Variants in PHF20 observed in about 807,000 individuals in gnomAD.
PHF20 encodes the protein glioma-expressed antigen 2.
Under a neutral mutation model 113.5 loss-of-function variants are expected in PHF20, and 23 were observed. The observed-to-expected ratio is 0.20, with a 90% confidence interval of 0.15 to 0.29. The LOEUF (loss-of-function observed/expected upper bound fraction) is 0.29, where lower values mean the gene tolerates loss of function less well. Ranked by LOEUF, PHF20 falls within the 10% of genes least tolerant of loss-of-function variation. The pLI is 1.00. For synonymous variants in PHF20, 434 were observed against 457.3 expected (o/e 0.95, Z 0.65); for missense variants, 943 against 1,219.6 (o/e 0.77, Z 3.38).
intron 8 of PHF20, among the ~76,000 whole-genome samples, chr20:35,871,400 T>C (rs1438205046): frequency 6.6e-6 from 1 of 152,196 alleles, no homozygotes; most frequent in Non-Finnish European, 1.5e-5. Context: ...CCTGCTTCTC[T>C]CTCTCTGCTG....
chr20:35,845,101 T>G (rs921275949), intron 3 of PHF20, among the ~76,000 whole-genome samples: 1 of 152,122 alleles, frequency 6.6e-6, no homozygotes, highest in African/African-American at 2.4e-5. Context: ...ATAGTCCTAT[T>G]TTTGTTTGGT....
chr20:35,782,262 G>GTTTTTTTTTTTT (rs11480471), intron 1 of PHF20: 4 of 143,482 alleles, frequency 2.8e-5, no homozygotes, highest in Non-Finnish European at 4.5e-5. Context: ...TTCTTGTTTT[G>GTTTTTTTTTTTT]TTTTTTTTTT....
At chr20:35,851,516 G>A (rs1249776613) in intron 4 of PHF20, among the ~76,000 whole-genome samples, 2 of 152,106 alleles carry the variant, frequency 1.3e-5, no homozygotes, top group African/African-American at 2.4e-5. Context: ...AGGCCCACAC[G>A]TGCAGGTGCT....
At chr20:35,866,052 A>G (rs759500661) in intron 6 of PHF20, among the ~76,000 whole-genome samples, 1 of 151,956 alleles carries the variant, frequency 6.6e-6, no homozygotes, top group Non-Finnish European at 1.5e-5. Context: ...TCTACTAACA[A>G]CACAAAAATT....
intron 9 of PHF20, among the ~76,000 whole-genome samples, chr20:35,889,734 A>T (rs57330165): frequency 0.06 from 8,756 of 145,792 alleles, 394 homozygotes; most frequent in African/African-American, 0.14. Flanking sequence ...TAATTATTTT[A>T]AAATTATTTT....
At chr20:35,794,073 G>C (rs1246715118) in intron 1 of PHF20, among the ~76,000 whole-genome samples, 3 of 150,514 alleles carry the variant, frequency 2.0e-5, no homozygotes, top group African/African-American at 4.9e-5. Context: ...GGCTGAGGTG[G>C]GTGGATCGCC....
At chr20:35,883,019 C>G (rs1410714537) in intron 9 of PHF20, among the ~76,000 whole-genome samples, 1 of 146,702 alleles carries the variant, frequency 6.8e-6, no homozygotes, top group African/African-American at 2.5e-5. Flanking sequence ...CAGAACGACA[C>G]TCTGTCTCAA....
At chr20:35,789,837 C>T (rs1318856426) in intron 1 of PHF20, among the ~76,000 whole-genome samples, 6 of 116,048 alleles carry the variant, frequency 5.2e-5, no homozygotes, top group Non-Finnish European at 8.7e-5. Flanking sequence ...TGAGCCATGG[C>T]GCCCAGCCCC....
At chr20:35,789,278 A>G (rs367798883) in intron 1 of PHF20, among the ~76,000 whole-genome samples, 7 of 152,000 alleles carry the variant, frequency 4.6e-5, no homozygotes, top group African/African-American at 1.7e-4. Context: ...TAAAAATACA[A>G]AAATTAGCCT....
intron 10 of PHF20, among the ~76,000 whole-genome samples, chr20:35,908,901 G>A (rs1411465038): frequency 1.3e-5 from 2 of 152,158 alleles, no homozygotes; most frequent in South Asian, 2.1e-4. Context: ...TAACCTTGCT[G>A]TAAGTGCTGT....
chr20:35,822,213 G>A (rs1034576029), intron 2 of PHF20, among the ~76,000 whole-genome samples: 7 of 152,088 alleles, frequency 4.6e-5, no homozygotes, highest in Admixed American at 2.6e-4. Context: ...ACCAACCTGT[G>A]CAACATAGTG....
intron 13 of PHF20, among the ~76,000 whole-genome samples, chr20:35,919,068 T>C (rs2055459687): frequency 1.3e-5 from 2 of 151,966 alleles, no homozygotes; most frequent in South Asian, 4.1e-4. Flanking sequence ...CAGGCTGGAG[T>C]GCAATGGCGC....
intron 10 of PHF20, among the ~76,000 whole-genome samples, chr20:35,903,405 T>G (rs2147065043): frequency 6.6e-6 from 1 of 152,260 alleles, no homozygotes; most frequent in South Asian, 2.1e-4. Flanking sequence ...TGGTCCTTTG[T>G]AAAATTGATC....
At chr20:35,854,697 C>G (rs2146957633) in intron 4 of PHF20, among the ~76,000 whole-genome samples, 1 of 152,170 alleles carries the variant, frequency 6.6e-6, no homozygotes, top group Middle Eastern at 3.4e-3. Flanking sequence ...GCACCTTTGG[C>G]CATAGTTTGG....
intron 4 of PHF20, among the ~76,000 whole-genome samples, chr20:35,850,197 G>A (rs1051256445): frequency 6.7e-6 from 1 of 149,978 alleles, no homozygotes. Flanking sequence ...ACAAAAGACA[G>A]TAAAAGATGG....
chr20:35,861,242 C>T (rs957779858), intron 5 of PHF20, among the ~76,000 whole-genome samples: 7 of 149,322 alleles, frequency 4.7e-5, no homozygotes, highest in South Asian at 2.2e-4. Context: ...AGTTATAATA[C>T]GTTTACTGTA....
chr20:35,940,878 C>T lies in PHF20; in HGVS notation c.2727C>T (p.Val909=), dbSNP rs375438343. The change falls in exon 17 of 18, where the codon GTC becomes GTT. Residue 909 remains valine, a synonymous_variant. Coordinates refer to ENST00000374012, the MANE Select transcript of PHF20 (RefSeq NM_016436.5). ...KPGSPKVKEY[V]SKKALPEEAP... is the part of the protein sequence containing the mutation. ...TGCATCCCCAGGTGAAGGAATATGT[C>T]TCCAAAAAGGCCCTACCAGAAGAAG... The T allele has an allele frequency of 1.7e-5, 27 of 1,613,108 alleles. No homozygotes were observed. Among genetic ancestry groups the T allele is most frequent in the Non-Finnish European group, 2.3e-5 (27 of 1,179,614 alleles).
chr20:35,845,355 T>A (rs1268781476), intron 3 of PHF20: 1 of 371,160 alleles, frequency 2.7e-6, no homozygotes, highest in Non-Finnish European at 5.6e-6. Flanking sequence ...CTGCACCCAT[T>A]AACTCATCTT....
intron 2 of PHF20, among the ~76,000 whole-genome samples, chr20:35,818,936 G>C (rs1162599718): frequency 2.0e-5 from 3 of 151,446 alleles, no homozygotes; most frequent in Admixed American, 1.3e-4. Context: ...TTTTTGTTTT[G>C]TTTTGTTTTG....
Sources: gnomAD v4.1 joint callset for allele counts (sites outside exome capture counted in the v4.1 genomes callset) on GRCh38, gnomAD v4.1.1 for gene constraint, MANE v1.5 for transcripts, NCBI Gene and HGNC (gene_info 2026-07-23, HGNC 2026-07-21) for gene names.